Variants in SATL1 observed in about 807,000 individuals in gnomAD.
The protein encoded by SATL1 is spermidine/spermine N1-acetyl transferase like 1.
SATL1 carries 47 observed loss-of-function variants against 51.8 expected under a neutral mutation model. That is an observed-to-expected ratio of 0.91 (90% CI 0.72 to 1.16). The LOEUF (loss-of-function observed/expected upper bound fraction) is 1.16, where lower values mean the gene tolerates loss of function less well. Among genes scored for constraint, SATL1 ranks in the 50% most tolerant of loss-of-function variants. The pLI is 0.00. For synonymous variants in SATL1, 176 were observed against 182.4 expected, an observed-to-expected ratio of 0.97 and a Z score of 0.28; for missense variants, 520 against 526.4, an observed-to-expected ratio of 0.99 and a Z score of 0.12.
chrX:85,220,258 T>C (rs1423144590), intron 2 of SATL1, among the ~76,000 whole-genome samples: 1 of 109,997 alleles, frequency 9.1e-6, no homozygotes. Context: ...GGAACTTGAG[T>C]TCGTGCAGAC....
At chrX:85,229,786 T>A (rs755198499) in intron 1 of SATL1, among the ~76,000 whole-genome samples, 3 of 111,866 alleles carry the variant, frequency 2.7e-5, no homozygotes, top group Non-Finnish European at 3.8e-5. Flanking sequence ...TGTGTTTATA[T>A]ACAGTAACAA....
intron 2 of SATL1, among the ~76,000 whole-genome samples, chrX:85,177,554 C>G (rs772717642): frequency 1.8e-5 from 2 of 111,434 alleles, no homozygotes; most frequent in South Asian, 3.7e-4. Flanking sequence ...CTGTCATACA[C>G]TCTTGTAGGA....
intron 4 of SATL1, 47 bp from the exon 5 acceptor site, chrX:85,095,043 GAGA>G (rs767867584): frequency 7.0e-6 from 5 of 716,886 alleles, no homozygotes; most frequent in African/African-American, 6.2e-5. Context: ...TTATAGCAGA[GAGA>G]AGGAGATGGT....
At chrX:85,168,739 C>A (rs1483493987) in intron 2 of SATL1, among the ~76,000 whole-genome samples, 1 of 111,762 alleles carries the variant, frequency 8.9e-6, no homozygotes, top group Non-Finnish European at 1.9e-5. Flanking sequence ...ATCAACCTAG[C>A]AATTACTTTC....
At chrX:85,156,790 CA>C (rs1926597188) in intron 2 of SATL1, among the ~76,000 whole-genome samples, 1 of 88,725 alleles carries the variant, frequency 1.1e-5, no homozygotes, top group Non-Finnish European at 2.1e-5. Context: ...GATAACAGTA[CA>C]AGGATTTGAA....
chrX:85,108,975 T>C lies in SATL1; in HGVS notation c.-7A>G. Reference sequence around the variant, plus strand: ...TCGTGCCTGATTGGTTCATGCCCAGTTGATTCCTGCTTTGTTGACTAAGGA... The same window carrying C: ...TCGTGCCTGATTGGTTCATGCCCAGCTGATTCCTGCTTTGTTGACTAAGGA... On this transcript the variant is annotated 5_prime_UTR_variant, in exon 3 of 8. Transcript: ENST00000644105. 4.2e-6 allele frequency: 5 copies of C among 1,191,340 alleles called. No individual in the cohort carries two copies. The highest frequency in any genetic ancestry group is 1.8e-5 in the South Asian group (1 of 54,523).
intron 1 of SATL1, among the ~76,000 whole-genome samples, chrX:85,228,297 T>C (rs1928314885): frequency 9.0e-6 from 1 of 111,024 alleles, no homozygotes; most frequent in African/African-American, 3.3e-5. Flanking sequence ...ACACATACCT[T>C]CTCCCTATTC....
intron 2 of SATL1, among the ~76,000 whole-genome samples, chrX:85,152,987 A>G (rs1214233918): frequency 9.1e-6 from 1 of 110,195 alleles, no homozygotes; most frequent in Non-Finnish European, 1.9e-5. Flanking sequence ...AAATAAAAAT[A>G]AAATAAAAAT....
intron 2 of SATL1, among the ~76,000 whole-genome samples, chrX:85,198,925 G>A (rs921415582): frequency 9.2e-6 from 1 of 108,267 alleles, no homozygotes; most frequent in Non-Finnish European, 1.9e-5. Context: ...TGCAACCTCC[G>A]CCTCCCTGGT....
intron 4 of SATL1, among the ~76,000 whole-genome samples, chrX:85,099,520 C>T (rs905180729): frequency 9.0e-6 from 1 of 111,532 alleles, no homozygotes; most frequent in Non-Finnish European, 1.9e-5. Flanking sequence ...GGAAATTGAA[C>T]TCAACAGCAT....
At chrX:85,110,797 T>C (rs1925241379) in intron 2 of SATL1, among the ~76,000 whole-genome samples, 1 of 112,538 alleles carries the variant, frequency 8.9e-6, no homozygotes, top group Non-Finnish European at 1.9e-5. Context: ...TAGATGTATG[T>C]GTGTTGCTGC....
intron 2 of SATL1, among the ~76,000 whole-genome samples, chrX:85,196,937 T>C (rs1927577245): frequency 9.0e-6 from 1 of 111,710 alleles, no homozygotes; most frequent in Non-Finnish European, 1.9e-5. Flanking sequence ...GGATAAGCAA[T>C]GGTTTCTTAG....
At position 85,136,625 on chromosome X, in the gene SATL1, A is replaced by G. The variant is rs777837015; in HGVS notation, c.-312-27345T>C. On this transcript the variant is annotated intron_variant, in intron 2 of 7. Coordinates refer to ENST00000644105, the MANE Select transcript of SATL1 (RefSeq NM_001367857.2). ...CTGGATTTAGCAACTAGTAAGTTAT[A>G]TATAACCTTGGTGTATACAGTTTCA... 1.2e-4 allele frequency among the ~76,000 whole-genome samples: 13 copies of G among 112,004 alleles called. No individual in the cohort carries two copies. In the South Asian group the frequency reaches 4.5e-3, roughly 38 times the overall value.
At chrX:85,153,991 T>A (rs146505760) in intron 2 of SATL1, 3 of 112,109 alleles carry the variant, frequency 2.7e-5, no homozygotes, top group Middle Eastern at 8.4e-3. Flanking sequence ...ATAATGAATA[T>A]AATTTATCAT....
intron 2 of SATL1, among the ~76,000 whole-genome samples, chrX:85,158,310 C>T (rs1430073172): frequency 1.8e-5 from 2 of 111,786 alleles, no homozygotes; most frequent in African/African-American, 3.2e-5. Flanking sequence ...TTCACCCCAT[C>T]CCCACCTCCA....
At chrX:85,215,651 T>A in intron 2 of SATL1, among the ~76,000 whole-genome samples, 1 of 112,663 alleles carries the variant, frequency 8.9e-6, no homozygotes, top group East Asian at 2.8e-4. Context: ...CCCTAGGGCA[T>A]GGACACAATG....
At chrX:85,238,887 A>C (rs1293387752) in intron 1 of SATL1, among the ~76,000 whole-genome samples, 1 of 110,900 alleles carries the variant, frequency 9.0e-6, no homozygotes, top group Non-Finnish European at 1.9e-5. Flanking sequence ...AATACAATAA[A>C]ATTGTCAAAC....
At chrX:85,113,045 G>A (rs66867387) in intron 2 of SATL1, among the ~76,000 whole-genome samples, 4,835 of 110,967 alleles carry the variant, frequency 0.044, 242 homozygotes, top group African/African-American at 0.14. Context: ...GTGGTTCTGT[G>A]GGTCTTGGAC....
At chrX:85,200,043 G>C (rs1176317498) in intron 2 of SATL1, among the ~76,000 whole-genome samples, 2 of 111,749 alleles carry the variant, frequency 1.8e-5, no homozygotes, top group Non-Finnish European at 3.8e-5. Flanking sequence ...TTGTATGCCT[G>C]TATCAAAATA....
Sources: allele counts gnomAD v4.1 joint callset (sites outside exome capture counted in the v4.1 genomes callset), GRCh38; gene constraint gnomAD v4.1.1; transcripts MANE v1.5; gene names NCBI Gene and HGNC (gene_info 2026-07-23, HGNC 2026-07-21).